DSCAML1: variants seen among roughly 807,000 people sequenced by gnomAD.
DSCAML1 encodes DS cell adhesion molecule like 1, also known as cell adhesion molecule DSCAML1.
In DSCAML1, 38 loss-of-function variants were observed where a neutral mutation model predicts 200.5. The observed-to-expected ratio is 0.19, with a 90% CI of 0.15 to 0.25. The LOEUF (loss-of-function observed/expected upper bound fraction) is 0.25, where lower values mean the gene tolerates loss of function less well. Among genes scored for constraint, DSCAML1 ranks in the 10% least tolerant of loss-of-function variants. DSCAML1 has a pLI of 1.00. For missense variants in DSCAML1, 2,223 were observed against 2,858.8 expected, an observed-to-expected ratio of 0.78 and a Z score of 5.07; for synonymous variants, 1,215 against 1,165.0, an observed-to-expected ratio of 1.04 and a Z score of -0.87.
intron 11 of DSCAML1, among the ~76,000 whole-genome samples, chr11:117,494,268 T>TC (rs2049249452): frequency 6.6e-6 from 1 of 152,190 alleles, no homozygotes; most frequent in Admixed American, 6.5e-5. Flanking sequence ...GCCATAGGTC[T>TC]CCGTTGCAAG....
At chr11:117,619,636 C>A (rs747001180) in intron 3 of DSCAML1, among the ~76,000 whole-genome samples, 11 of 151,720 alleles carry the variant, frequency 7.3e-5, no homozygotes, top group Non-Finnish European at 1.0e-4. Context: ...CCAAAATGTT[C>A]ATGTTGGTAC....
At chr11:117,781,667 C>T (rs1163760160) in intron 1 of DSCAML1, among the ~76,000 whole-genome samples, 1 of 152,248 alleles carries the variant, frequency 6.6e-6, no homozygotes, top group African/African-American at 2.4e-5. Flanking sequence ...CCAGTCCTCA[C>T]ACCATGTGAC....
chr11:117,596,264 T>C (rs2051359549), intron 3 of DSCAML1, among the ~76,000 whole-genome samples: 2 of 152,166 alleles, frequency 1.3e-5, no homozygotes, highest in Admixed American at 6.5e-5. Context: ...GAATTGCTAC[T>C]CTTAAGTCCA....
At chr11:117,429,418 T>C (rs1565668246) in intron 32 of DSCAML1, among the ~76,000 whole-genome samples, 2 of 152,218 alleles carry the variant, frequency 1.3e-5, no homozygotes, top group East Asian at 3.8e-4. Flanking sequence ...ATTTCTTTTT[T>C]TTTGAGACGG....
In DSCAML1 at chr11:117,428,896, C is replaced by T. The variant is rs554503050; in HGVS notation, c.5687-93G>A. ...CACCCCATCCCCTGCCCCCAGTCTTCTCTCTGATTTGGCATAGGGGCCCCT... is the reference window on the plus strand; with the variant it reads ...CACCCCATCCCCTGCCCCCAGTCTTTTCTCTGATTTGGCATAGGGGCCCCT... On this transcript the variant is annotated intron_variant, in intron 32 of 32. Transcript: ENST00000651296. 22 of 1,301,748 alleles carry T rather than the reference C, an allele frequency of 1.7e-5. No homozygotes were observed. In the African/African-American group the frequency reaches 3.0e-4, roughly 18 times the overall value. The allele number at this position is 1,301,748 out of a possible 1,614,324, so 80.6% of individuals were successfully genotyped here.
At position 117,430,871 on chromosome 11, in the gene DSCAML1, G is replaced by A. The variant is rs1399644519; in HGVS notation, c.5537C>T (p.Thr1846Ile). The A allele has an allele frequency of 1.2e-6, 2 of 1,614,082 alleles. No individual in the cohort carries two copies. Among genetic ancestry groups the A allele is most frequent in the Admixed American group, 1.7e-5 (1 of 60,006 alleles). Residue 1846 changes from threonine to isoleucine, a missense_variant, in exon 32 of 33, where the codon ACA becomes ATA. Around this residue, in one of 7 missense-constraint regions of DSCAML1, gnomAD observed 96 missense variants for 160.7 expected, o/e 0.60. Transcript: ENST00000651296. ...GCTGTCGGCGTTCTCGTTGGTGCCT[G>A]TGGTCATCTGGTCAGAGGAACTGTC... ...ISDSSSDQMT[T>I]GTNENADSMT...
At chr11:117,570,246 C>T (rs918471791) in intron 3 of DSCAML1, among the ~76,000 whole-genome samples, 15 of 152,102 alleles carry the variant, frequency 9.9e-5, no homozygotes, top group African/African-American at 2.7e-4. Flanking sequence ...CAAGGATGAA[C>T]GCTTTAGATT....
intron 3 of DSCAML1, among the ~76,000 whole-genome samples, chr11:117,571,550 G>A (rs757650163): frequency 1.3e-5 from 2 of 152,176 alleles, no homozygotes; most frequent in Non-Finnish European, 2.9e-5. Flanking sequence ...GGAAGAACCT[G>A]CCCTGGAGCC....
At chr11:117,479,969 T>C (rs955514536) in intron 14 of DSCAML1, among the ~76,000 whole-genome samples, 1 of 152,026 alleles carries the variant, frequency 6.6e-6, no homozygotes, top group Non-Finnish European at 1.5e-5. Flanking sequence ...TTAGAGGAAA[T>C]ATAGGTCCAA....
chr11:117,760,742 C>A (rs187151235), intron 3 of DSCAML1, among the ~76,000 whole-genome samples: 2 of 152,188 alleles, frequency 1.3e-5, no homozygotes, highest in Non-Finnish European at 2.9e-5. Context: ...TCTCTCTCCC[C>A]TGAAGGGCAC....
At chr11:117,700,684 C>T (rs1235461005) in intron 3 of DSCAML1, among the ~76,000 whole-genome samples, 1 of 152,214 alleles carries the variant, frequency 6.6e-6, no homozygotes, top group African/African-American at 2.4e-5. Context: ...GAGTCAGCTC[C>T]CTGGCTGGAG....
chr11:117,776,209 C>T (rs943022213), intron 3 of DSCAML1, among the ~76,000 whole-genome samples: 5 of 152,116 alleles, frequency 3.3e-5, no homozygotes, highest in African/African-American at 1.2e-4. Flanking sequence ...TGAGATGAAC[C>T]CACAACATGG....
intron 3 of DSCAML1, among the ~76,000 whole-genome samples, chr11:117,773,704 C>T (rs1365526854): frequency 6.6e-6 from 1 of 152,120 alleles, no homozygotes; most frequent in Non-Finnish European, 1.5e-5. Context: ...ACCTACAGAG[C>T]CTGGACAAGA....
intron 3 of DSCAML1, among the ~76,000 whole-genome samples, chr11:117,705,784 T>C (rs934992615): frequency 1.3e-5 from 2 of 152,240 alleles, no homozygotes; most frequent in East Asian, 1.9e-4. Flanking sequence ...AATTCCCAAG[T>C]GTTCCATAGT....
intron 20 of DSCAML1, among the ~76,000 whole-genome samples, chr11:117,448,638 T>G (rs10892107): frequency 0.33 from 44,795 of 134,638 alleles, 8,192 homozygotes; most frequent in East Asian, 0.58. Context: ...TGTGTGTGTG[T>G]GGGGGGTGGG....
chr11:117,437,473 C>A lies in DSCAML1; in HGVS notation c.4433-64G>T. 6.4e-7 allele frequency: 1 copy of A among 1,551,576 alleles called. No homozygotes were observed. The highest frequency in any genetic ancestry group is 8.7e-7 in the Non-Finnish European group (1 of 1,144,890). ...TGGTGGGAGGCAGGACTGGACTGGG[C>A]TGGGCTGGAAAGGATTTCCCTGGGG... On this transcript the variant is annotated intron_variant, in intron 25 of 32. Coordinates refer to ENST00000651296, the MANE Select transcript of DSCAML1 (RefSeq NM_020693.4). The surrounding 1 kb of genome is among the most constrained non-coding windows in gnomAD (Gnocchi z 5.3).
intron 3 of DSCAML1, among the ~76,000 whole-genome samples, chr11:117,756,991 G>A (rs556258677): frequency 3.3e-5 from 5 of 152,272 alleles, no homozygotes; most frequent in African/African-American, 1.2e-4. Flanking sequence ...AGAAGAGGAT[G>A]GGCACTGTCC....
At chr11:117,576,216 C>A (rs55869870) in intron 3 of DSCAML1, among the ~76,000 whole-genome samples, 33,103 of 152,098 alleles carry the variant, frequency 0.22, 4,520 homozygotes, top group Non-Finnish European at 0.3. Flanking sequence ...AAGAAGTTGC[C>A]TTGAGAGGGG....
chr11:117,656,250 C>A (rs1055370836), intron 3 of DSCAML1, among the ~76,000 whole-genome samples: 1 of 152,108 alleles, frequency 6.6e-6, no homozygotes, highest in South Asian at 2.1e-4. Context: ...GTGGGGGCAG[C>A]GGGGCAGAGG....
Sources: allele counts gnomAD v4.1 joint callset (sites outside exome capture counted in the v4.1 genomes callset), GRCh38; gene constraint gnomAD v4.1.1; regional missense constraint gnomAD v4.1.1; non-coding constraint Gnocchi (gnomAD v3.1); transcripts MANE v1.5; gene names NCBI Gene and HGNC (gene_info 2026-07-23, HGNC 2026-07-21).